PRKCE: variants seen among roughly 807,000 people sequenced by gnomAD.
The protein encoded by PRKCE is protein kinase C epsilon.
In PRKCE, 16 loss-of-function variants were observed where a neutral mutation model predicts 85.4. The ratio of observed to expected loss-of-function variants is 0.19; its 90% CI spans 0.13 to 0.28. The LOEUF is 0.28. Among genes scored for constraint, PRKCE ranks in the 10% least tolerant of loss-of-function variants. The probability of loss-of-function intolerance (pLI) is 1.00; values close to 1 mark genes in which losing one functional copy is unlikely to be tolerated. For missense variants in PRKCE, 573 were observed against 975.2 expected, an observed-to-expected ratio of 0.59 and a Z score of 5.49; for synonymous variants, 388 against 371.5, an observed-to-expected ratio of 1.04 and a Z score of -0.51.
At chr2:45,781,376 C>T (rs1365481178) in intron 1 of PRKCE, among the ~76,000 whole-genome samples, 1 of 152,180 alleles carries the variant, frequency 6.6e-6, no homozygotes, top group Non-Finnish European at 1.5e-5. Context: ...CTGACTCCTG[C>T]TTACCACCCT....
chr2:46,066,456 T>C (rs1461293267), intron 10 of PRKCE, among the ~76,000 whole-genome samples: 1 of 152,198 alleles, frequency 6.6e-6, no homozygotes, highest in Non-Finnish European at 1.5e-5. Context: ...TTTTCCCATC[T>C]CCAGGGGAAG....
rs578084150 is a variant in PRKCE, at chr2:46,081,150, C to T, written c.1438-5058C>T. Among the ~76,000 whole-genome samples, 5 of 152,266 alleles carry T rather than the reference C, an allele frequency of 3.3e-5. No individual in the cohort carries two copies. The South Asian group carries it at 1.0e-3, about 32-fold the overall frequency. On this transcript the variant is annotated intron_variant, in intron 10 of 14. Transcript: ENST00000306156. ...GGAACTACAGGCGTGCACCACGATG[C>T]CTGGCTAACTTTTTAATTTTTTTGT...
At chr2:46,062,163 C>T (rs1221395944) in intron 10 of PRKCE, among the ~76,000 whole-genome samples, 2 of 152,158 alleles carry the variant, frequency 1.3e-5, no homozygotes, top group Non-Finnish European at 2.9e-5. Flanking sequence ...CACCCAGCCT[C>T]ATGCATACAT....
chr2:46,026,685 G>A (rs1002507575), intron 10 of PRKCE, among the ~76,000 whole-genome samples: 2 of 152,128 alleles, frequency 1.3e-5, no homozygotes, highest in Non-Finnish European at 2.9e-5. Flanking sequence ...GTTTTTGAAG[G>A]GGATTTATAA....
intron 11 of PRKCE, among the ~76,000 whole-genome samples, chr2:46,126,544 G>A (rs1673878768): frequency 6.6e-6 from 1 of 152,142 alleles, no homozygotes; most frequent in South Asian, 2.1e-4. Context: ...AACAGTTCAT[G>A]CAAAAGCCTG....
intron 1 of PRKCE, among the ~76,000 whole-genome samples, chr2:45,720,806 T>C (rs1238885338): frequency 6.6e-6 from 1 of 152,128 alleles, no homozygotes; most frequent in African/African-American, 2.4e-5. Context: ...CTACTTTTAG[T>C]TCTCAGAAAA....
At chr2:45,722,960 G>A (rs1427497228) in intron 1 of PRKCE, among the ~76,000 whole-genome samples, 1 of 152,166 alleles carries the variant, frequency 6.6e-6, no homozygotes, top group Non-Finnish European at 1.5e-5. Context: ...AATTAGCCGG[G>A]TGTGGTGGAG....
intron 1 of PRKCE, among the ~76,000 whole-genome samples, chr2:45,797,618 A>G (rs1687546476): frequency 6.6e-6 from 1 of 152,204 alleles, no homozygotes; most frequent in African/African-American, 2.4e-5. Flanking sequence ...AAGGACAAGG[A>G]ACATTTAAAC....
At chr2:45,792,513 C>A (rs993891165) in intron 1 of PRKCE, among the ~76,000 whole-genome samples, 4 of 152,184 alleles carry the variant, frequency 2.6e-5, no homozygotes, top group African/African-American at 7.2e-5. Flanking sequence ...CCACCCTTTC[C>A]CTTCTATCAG....
intron 11 of PRKCE, among the ~76,000 whole-genome samples, chr2:46,141,879 G>A (rs184551870): frequency 3.3e-5 from 5 of 152,100 alleles, no homozygotes; most frequent in African/African-American, 4.8e-5. Flanking sequence ...GAACACCATG[G>A]GAACTCTCAG....
chr2:45,980,752 C>T (rs1466164040), intron 5 of PRKCE, among the ~76,000 whole-genome samples: 1 of 53,692 alleles, frequency 1.9e-5, no homozygotes, highest in Non-Finnish European at 3.3e-5. Flanking sequence ...GGAACCTTGT[C>T]TAATGAGCTA....
intron 1 of PRKCE, among the ~76,000 whole-genome samples, chr2:45,814,509 T>C (rs1448317833): frequency 6.6e-6 from 1 of 152,188 alleles, no homozygotes; most frequent in Non-Finnish European, 1.5e-5. Flanking sequence ...AGAGGGATTT[T>C]AGAAATCTTT....
intron 11 of PRKCE, among the ~76,000 whole-genome samples, chr2:46,117,755 C>T (rs530974324): frequency 3.5e-4 from 53 of 152,286 alleles, no homozygotes; most frequent in African/African-American, 1.0e-3. Context: ...ATAGGAAGGG[C>T]TTAGTAATTG....
chr2:45,830,811 A>AT lies in PRKCE; in HGVS notation c.349-12188dup, dbSNP rs150600801. Reference sequence around the variant, plus strand: ...TAGAAGAAAGTTCTGATAGATTATGATCTTTTTAAAACCTAGAATTCTATA... The same window carrying AT: ...TAGAAGAAAGTTCTGATAGATTATGATTCTTTTTAAAACCTAGAATTCTATA... On this transcript the variant is annotated intron_variant, in intron 1 of 14. Coordinates refer to ENST00000306156, the MANE Select transcript of PRKCE (RefSeq NM_005400.3). 7.3e-3 allele frequency among the ~76,000 whole-genome samples: 1,119 copies of AT among 152,372 alleles called. 17 individuals carry two copies. The highest frequency in any genetic ancestry group is 0.026 in the African/African-American group (1,071 of 41,586).
chr2:45,953,474 C>T (rs965078401), intron 2 of PRKCE, among the ~76,000 whole-genome samples: 4 of 152,186 alleles, frequency 2.6e-5, no homozygotes, highest in Non-Finnish European at 5.9e-5. Flanking sequence ...AGCTACCGCT[C>T]CCTTTCCCCT....
chr2:46,068,718 GA>G lies in PRKCE; in HGVS notation c.1438-17487del, dbSNP rs113564618. Among the ~76,000 whole-genome samples the G allele has an allele frequency of 0.037, 5,605 of 152,318 alleles. 175 individuals carry two copies. The highest frequency in any genetic ancestry group is 0.14 in the East Asian group (722 of 5,176). Reference sequence around the variant, plus strand: ...GCATCACCAATGAGCAGGAGGATAGGAAATGCCTGGCATGTAGACGGGAGAG... The same window carrying G: ...GCATCACCAATGAGCAGGAGGATAGGAATGCCTGGCATGTAGACGGGAGAG... On this transcript the variant is annotated intron_variant, in intron 10 of 14. Coordinates refer to ENST00000306156, the MANE Select transcript of PRKCE (RefSeq NM_005400.3). This position sits in a 1 kb window ranked among gnomAD's most constrained non-coding sequence, Gnocchi z 4.3.
At chr2:46,178,237 G>A (rs1188617129) in intron 14 of PRKCE, among the ~76,000 whole-genome samples, 1 of 152,202 alleles carries the variant, frequency 6.6e-6, no homozygotes, top group Non-Finnish European at 1.5e-5. Flanking sequence ...TCCAGCCTGG[G>A]CAACAAGAGC....
At chr2:45,675,676 T>C (rs1024338229) in intron 1 of PRKCE, 3 of 152,162 alleles carry the variant, frequency 2.0e-5, no homozygotes, top group Non-Finnish European at 4.4e-5. Context: ...GGGTTATCTT[T>C]AATCACTGTA....
intron 1 of PRKCE, among the ~76,000 whole-genome samples, chr2:45,715,099 C>T (rs907654822): frequency 3.3e-5 from 5 of 152,210 alleles, no homozygotes; most frequent in Admixed American, 6.5e-5. Flanking sequence ...GCAGGCAACT[C>T]GGAGCTGTGG....
Sources: gnomAD v4.1 joint callset for allele counts (sites outside exome capture counted in the v4.1 genomes callset) on GRCh38, gnomAD v4.1.1 for gene constraint, Gnocchi (gnomAD v3.1) non-coding constraint, MANE v1.5 for transcripts, NCBI Gene and HGNC (gene_info 2026-07-23, HGNC 2026-07-21) for gene names.